The following RELL1 variants were observed in gnomAD, a reference collection of about 807,000 sequenced individuals.
The protein encoded by RELL1 is RELT like 1, also known as RELT-like protein 1.
Under a neutral mutation model 23.0 loss-of-function variants are expected in RELL1, and 10 were observed. The observed-to-expected ratio is 0.43, with a 90% CI of 0.27 to 0.74. The LOEUF is 0.74. Among genes scored for constraint, RELL1 ranks in the 30% least tolerant of loss-of-function variants. The pLI, the probability that RELL1 is intolerant of heterozygous loss-of-function variation, is 0.19. For synonymous variants in RELL1, 146 were observed against 146.8 expected (o/e 0.99, Z 0.04); for missense variants, 315 against 364.4 (o/e 0.86, Z 1.10).
In RELL1 at chr4:37,612,716, A is replaced by C. The variant is rs1420074622; in HGVS notation, c.*630T>G. Among the ~76,000 whole-genome samples the C allele has an allele frequency of 6.6e-6, 1 of 151,944 alleles. No homozygotes were observed. Among genetic ancestry groups the C allele is most frequent in the Non-Finnish European group, 1.5e-5 (1 of 68,002 alleles). On this transcript the variant is annotated 3_prime_UTR_variant, in exon 7 of 7. Coordinates refer to ENST00000454158, the MANE Select transcript of RELL1 (RefSeq NM_001085400.2). Reference sequence around the variant, plus strand: ...TGGTGGTGGCAGGAGTTAATGCTGAATTTGTGGTCAAGGAATCCAAAGTCT... The same window carrying C: ...TGGTGGTGGCAGGAGTTAATGCTGACTTTGTGGTCAAGGAATCCAAAGTCT...
chr4:37,650,215 C>T (rs1282285104), intron 1 of RELL1, among the ~76,000 whole-genome samples: 2 of 152,174 alleles, frequency 1.3e-5, no homozygotes, highest in African/African-American at 2.4e-5. Context: ...CCTCATGCAG[C>T]TTACATTCTA....
chr4:37,681,445 A>C (rs1722217467), intron 1 of RELL1, among the ~76,000 whole-genome samples: 1 of 151,680 alleles, frequency 6.6e-6, no homozygotes, highest in Admixed American at 6.6e-5. Context: ...AGGTGTTGGC[A>C]CAATGCCCAT....
intron 3 of RELL1, among the ~76,000 whole-genome samples, chr4:37,642,240 C>A (rs1268164196): frequency 1.3e-5 from 2 of 152,196 alleles, no homozygotes; most frequent in Admixed American, 1.3e-4. Flanking sequence ...TTCACAAAGG[C>A]ATCTCTTGCC....
At chr4:37,658,772 C>T (rs1721214913) in intron 1 of RELL1, among the ~76,000 whole-genome samples, 1 of 152,202 alleles carries the variant, frequency 6.6e-6, no homozygotes, top group South Asian at 2.1e-4. Context: ...TGTTAAAATG[C>T]TAAATGATGG....
Position 37,660,929 on chromosome 4 carries a change from G to A in RELL1, c.89-11429C>T, listed in dbSNP as rs1376052844. On this transcript the variant is annotated intron_variant, in intron 1 of 6. Transcript: ENST00000454158. ...GCCTGTTGTCCCAGCTACTCGGGAG[G>A]CTGAGGCAGGAGAACAGCGTGAACC... is the stretch of plus-strand genomic sequence containing the variant. 6.6e-5 allele frequency among the ~76,000 whole-genome samples: 10 copies of A among 151,910 alleles called. No individual in the cohort carries two copies. The South Asian group carries it at 1.2e-3, about 19-fold the overall frequency.
Position 37,634,905 on chromosome 4 carries a change from G to A in RELL1, c.662C>T (p.Thr221Met), listed in dbSNP as rs779833696. ...ATCTTACCTGCCAACAGAAAGGACCGTGACCTCGCCTTGGCGCCGTGGTCT... is the reference window on the plus strand; with the variant it reads ...ATCTTACCTGCCAACAGAAAGGACCATGACCTCGCCTTGGCGCCGTGGTCT... ...ESRPRRQGEV[T>M]VLSVGRFRVT... The change falls in exon 5 of 7, where the codon ACG becomes ATG. Residue 221 changes from threonine to methionine, a missense_variant. Transcript: ENST00000454158. The A allele has an allele frequency of 5.0e-6, 8 of 1,614,242 alleles. No homozygotes were observed. The highest frequency in any genetic ancestry group is 2.2e-5 in the East Asian group (1 of 44,884).
downstream of RELL1, among the ~76,000 whole-genome samples, chr4:37,609,633 C>A (rs1719314873): frequency 6.6e-6 from 1 of 152,084 alleles, no homozygotes; most frequent in Non-Finnish European, 1.5e-5. Context: ...ATTTTTGATT[C>A]ACAGGAGGTA....
chr4:37,600,764 T>C (rs1472706499), intron 6 of RELL1, among the ~76,000 whole-genome samples: 1 of 138,630 alleles, frequency 7.2e-6, no homozygotes, highest in Non-Finnish European at 1.5e-5. Flanking sequence ...TGGGTTTTAT[T>C]TAGTATGGAT....
At position 37,612,953 on chromosome 4, in the gene RELL1, C is replaced by G. The variant is rs749140795; in HGVS notation, c.*393G>C. On this transcript the variant is annotated 3_prime_UTR_variant, in exon 7 of 7. Transcript: ENST00000454158. ...ACACACTCACGTGCACACATGCATA[C>G]ACATATACACACACACCCCTGAGCA... 2.0e-5 allele frequency: 3 copies of G among 152,216 alleles called. No individual in the cohort carries two copies. The highest frequency in any genetic ancestry group is 2.9e-5 in the Non-Finnish European group (2 of 68,068). The allele number at this position is 152,216 out of a possible 1,614,324, so 9.4% of individuals were successfully genotyped here. A position where few individuals can be genotyped will look rare whatever the true frequency, so the allele number is the denominator to read the frequency against.
Position 37,686,257 on chromosome 4 carries a change from C to G in RELL1, c.31G>C (p.Val11Leu), listed in dbSNP as rs777877515. The change falls in exon 1 of 7, where the codon GTC (valine) becomes CTC (leucine). Residue 11 changes from valine (V) to leucine (L), a missense_variant. By Grantham distance (32) the Val-to-Leu change is conservative. Transcript: ENST00000454158. The stretch of plus-strand genomic sequence containing the variant: ...CCCACGAAGACAGCAGCGGCTAGGA[C>G]GGCGGACCCCGGGAGTGCCCGCGGA... MAPRALPGSA[V>L]LAAAVFVGGA... is the part of the protein sequence containing the mutation. 4 of 1,566,054 alleles carry G rather than the reference C, an allele frequency of 2.6e-6. No homozygotes were observed. The South Asian group carries it at 4.6e-5, about 18-fold the overall frequency.
At chr4:37,663,918 T>C (rs890302426) in intron 1 of RELL1, among the ~76,000 whole-genome samples, 2 of 152,124 alleles carry the variant, frequency 1.3e-5, no homozygotes, top group Non-Finnish European at 2.9e-5. Context: ...AATGACCCTA[T>C]GATATACGAT....
chr4:37,649,286 A>G lies in RELL1; in HGVS notation c.303T>C (p.Val101=). Residue 101 remains valine, a synonymous_variant, in exon 2 of 7, where the codon GTT becomes GTC. Transcript: ENST00000454158. Reference sequence around the variant, plus strand: ...GCCCTGGTTATTTACCTATCTTTTCAACCTTTTCCTCTTCGATATCTTGCT... The same window carrying G: ...GCCCTGGTTATTTACCTATCTTTTCGACCTTTTCCTCTTCGATATCTTGCT... ...EAEQDIEEEK[V]EKIELNDSVN... is the part of the protein sequence containing the mutation. The G allele has an allele frequency of 6.2e-7, 1 of 1,613,724 alleles. No homozygotes were observed. Among genetic ancestry groups the G allele is most frequent in the Non-Finnish European group, 8.5e-7 (1 of 1,179,798 alleles).
intron 6 of RELL1, among the ~76,000 whole-genome samples, chr4:37,603,946 G>A (rs1339277044): frequency 6.6e-6 from 1 of 152,166 alleles, no homozygotes; most frequent in Admixed American, 6.5e-5. Context: ...AGCCTCCCAA[G>A]TAGCTGGGAC....
chr4:37,612,176 CAAAAAAAAAAAAA>C lies in RELL1; in HGVS notation c.*1157_*1169del, dbSNP rs36064800. Among the ~76,000 whole-genome samples the C allele has an allele frequency of 1.9e-5, 1 of 53,774 alleles. No individual in the cohort carries two copies. The highest frequency in any genetic ancestry group is 6.8e-5 in the African/African-American group (1 of 14,620). 35.3% of individuals were successfully genotyped at this position (53,774 alleles called of 152,430 possible). A position where few individuals can be genotyped will look rare whatever the true frequency, so the allele number is the denominator to read the frequency against. On this transcript the variant is annotated 3_prime_UTR_variant, in exon 7 of 7. Transcript: ENST00000454158. ...TGGGCGACAGAGCGAGACTCCGCCT[CAAAAAAAAAAAAA>C]AAAAAAAAAAAAGAGAGAAGCAGGG...
At chr4:37,587,307 A>T (rs1270165301), downstream of RELL1, among the ~76,000 whole-genome samples, 1 of 152,192 alleles carries the variant, frequency 6.6e-6, no homozygotes, top group Non-Finnish European at 1.5e-5. Context: ...AAATACCTTT[A>T]ATTTGGGGGC....
chr4:37,602,221 CAAAAAAAA>C (rs11410477), intron 6 of RELL1, among the ~76,000 whole-genome samples: 1 of 96,694 alleles, frequency 1.0e-5, no homozygotes, highest in Non-Finnish European at 1.9e-5. Context: ...TGTCTCAAAC[CAAAAAAAA>C]AAAAAAAAAA....
chr4:37,588,226 C>G (rs1158178721), downstream of RELL1: 1 of 152,250 alleles, frequency 6.6e-6, no homozygotes, highest in Non-Finnish European at 1.5e-5. Flanking sequence ...CTTTGAGCTG[C>G]AAAAGAACAG....
At chr4:37,610,232 C>A (rs186677773), downstream of RELL1, among the ~76,000 whole-genome samples, 6 of 141,930 alleles carry the variant, frequency 4.2e-5, no homozygotes, top group Non-Finnish European at 7.4e-5. This position sits in a 1 kb window ranked among gnomAD's most constrained non-coding sequence, Gnocchi z 4.1. Context: ...CTCAGATTAT[C>A]GTATTTTTTT....
intron 1 of RELL1, among the ~76,000 whole-genome samples, chr4:37,672,004 G>A (rs4832930): frequency 0.76 from 114,784 of 152,004 alleles, 46,528 homozygotes; most frequent in Non-Finnish European, 0.9. Flanking sequence ...GAGCAGGCAC[G>A]AAAACAGAAC....
Sources: gnomAD v4.1 joint callset for allele counts (sites outside exome capture counted in the v4.1 genomes callset) on GRCh38, gnomAD v4.1.1 for gene constraint, Gnocchi (gnomAD v3.1) non-coding constraint, MANE v1.5 for transcripts, NCBI Gene and HGNC (gene_info 2026-07-23, HGNC 2026-07-21) for gene names.